The following HCN1 variants were observed in gnomAD, a reference collection of about 807,000 sequenced individuals.
HCN1 encodes hyperpolarization activated cyclic nucleotide gated potassium channel 1.
Under a neutral mutation model 78.9 loss-of-function variants are expected in HCN1, and 13 were observed. The ratio of observed to expected loss-of-function variants is 0.16; its 90% CI spans 0.11 to 0.26. The LOEUF (loss-of-function observed/expected upper bound fraction) is 0.26. HCN1 is among the 10% of genes least tolerant of loss of function. The pLI, the probability that HCN1 is intolerant of heterozygous loss-of-function variation, is 1.00. For synonymous variants in HCN1, 552 were observed against 455.5 expected (o/e 1.21, Z -2.70); for missense variants, 810 against 1,154.3 (o/e 0.70, Z 4.32).
chr5:45,605,237 A>C (rs1392482065), intron 2 of HCN1, among the ~76,000 whole-genome samples: 1 of 152,010 alleles, frequency 6.6e-6, no homozygotes, highest in Non-Finnish European at 1.5e-5. Flanking sequence ...CTACTATCTA[A>C]CAACTTAATA....
chr5:45,613,155 T>TCCCCCCA (rs1744874455), intron 2 of HCN1, among the ~76,000 whole-genome samples: 2 of 60,012 alleles, frequency 3.3e-5, no homozygotes, highest in Non-Finnish European at 6.1e-5. Context: ...CCCTCCCCCC[T>TCCCCCCA]CCCCCCACCC....
intron 6 of HCN1, among the ~76,000 whole-genome samples, chr5:45,302,718 A>C (rs912737512): frequency 2.6e-5 from 4 of 151,898 alleles, no homozygotes; most frequent in Non-Finnish European, 5.9e-5. Flanking sequence ...TACCTCCCAG[A>C]ATTCCCACAT....
At chr5:45,465,552 C>A (rs1358414580) in intron 2 of HCN1, among the ~76,000 whole-genome samples, 1 of 151,900 alleles carries the variant, frequency 6.6e-6, no homozygotes, top group Non-Finnish European at 1.5e-5. Context: ...GTCAGGAGTT[C>A]GAGACCAGCC....
intron 6 of HCN1, among the ~76,000 whole-genome samples, chr5:45,299,780 C>T (rs1214122773): frequency 2.6e-5 from 4 of 151,910 alleles, no homozygotes. Flanking sequence ...ACAGCGAATA[C>T]TTTTTGAAAA....
chr5:45,367,588 G>A (rs1236499672), intron 4 of HCN1, among the ~76,000 whole-genome samples: 2 of 151,812 alleles, frequency 1.3e-5, no homozygotes, highest in African/African-American at 4.8e-5. Context: ...AAAGAAAATT[G>A]ATCCAAACTT....
chr5:45,324,287 A>G (rs1386941459), intron 5 of HCN1, among the ~76,000 whole-genome samples: 1 of 151,996 alleles, frequency 6.6e-6, no homozygotes, highest in Non-Finnish European at 1.5e-5. Flanking sequence ...AGAATCTACA[A>G]TGAACTCAAA....
intron 6 of HCN1, among the ~76,000 whole-genome samples, chr5:45,282,108 A>C (rs1478417419): frequency 6.6e-6 from 1 of 152,192 alleles, no homozygotes; most frequent in Non-Finnish European, 1.5e-5. Context: ...TAAATTTTGC[A>C]ATATGTTTTC....
At chr5:45,395,302 T>A (rs1440167252) in intron 4 of HCN1, among the ~76,000 whole-genome samples, 1 of 152,144 alleles carries the variant, frequency 6.6e-6, no homozygotes, top group Non-Finnish European at 1.5e-5. Context: ...CCTTTAAGTA[T>A]ATAATTCTTA....
chr5:45,527,919 T>G (rs548778831), intron 2 of HCN1, among the ~76,000 whole-genome samples: 1 of 139,280 alleles, frequency 7.2e-6, no homozygotes, highest in African/African-American at 2.7e-5. Context: ...CTGTGTCTGA[T>G]TCTAAATTTA....
chr5:45,394,244 G>A (rs985803235), intron 4 of HCN1, among the ~76,000 whole-genome samples: 4 of 152,138 alleles, frequency 2.6e-5, no homozygotes, highest in African/African-American at 9.7e-5. Flanking sequence ...CTCCTCATTG[G>A]TTTGGAAGAG....
chr5:45,568,375 T>C (rs919098649), intron 2 of HCN1, among the ~76,000 whole-genome samples: 1 of 151,916 alleles, frequency 6.6e-6, no homozygotes, highest in African/African-American at 2.4e-5. Context: ...TCTGATCACA[T>C]CAATTTTTAG....
chr5:45,270,362 C>T (rs1218075901), intron 6 of HCN1, among the ~76,000 whole-genome samples: 2 of 152,106 alleles, frequency 1.3e-5, no homozygotes, highest in Non-Finnish European at 2.9e-5. Context: ...TTTGGTAAAT[C>T]GGAATAAGGT....
intron 2 of HCN1, among the ~76,000 whole-genome samples, chr5:45,477,353 T>C (rs1741542313): frequency 1.3e-5 from 2 of 152,168 alleles, no homozygotes. Context: ...ATCTAAAGTT[T>C]TTCTACAGAA....
chr5:45,654,753 C>G (rs539791159), intron 1 of HCN1, among the ~76,000 whole-genome samples: 1 of 152,262 alleles, frequency 6.6e-6, no homozygotes, highest in East Asian at 1.9e-4. Flanking sequence ...GATATACTTT[C>G]ATCTAACCAC....
intron 3 of HCN1, among the ~76,000 whole-genome samples, chr5:45,409,605 A>T (rs555151497): frequency 2.1e-4 from 32 of 152,098 alleles, no homozygotes; most frequent in African/African-American, 7.5e-4. Context: ...TGGTGCAAAC[A>T]TCTCTGATTT....
At chr5:45,439,880 T>C (rs1201901614) in intron 3 of HCN1, among the ~76,000 whole-genome samples, 1 of 150,998 alleles carries the variant, frequency 6.6e-6, no homozygotes, top group Non-Finnish European at 1.5e-5. Flanking sequence ...CACTAACATT[T>C]GATAAAATAT....
chr5:45,586,059 CA>C (rs913057464), intron 2 of HCN1, among the ~76,000 whole-genome samples: 11 of 152,162 alleles, frequency 7.2e-5, no homozygotes, highest in African/African-American at 2.7e-4. Context: ...AGCTGTCAGA[CA>C]GGGACATTTA....
chr5:45,373,575 G>A (rs1246020856), intron 4 of HCN1, among the ~76,000 whole-genome samples: 2 of 134,856 alleles, frequency 1.5e-5, no homozygotes, highest in South Asian at 4.6e-4. Context: ...CATTATATAC[G>A]TCATCTATAA....
chr5:45,460,577 C>T (rs1407263650), intron 3 of HCN1, among the ~76,000 whole-genome samples: 1 of 151,796 alleles, frequency 6.6e-6, no homozygotes, highest in Admixed American at 6.6e-5. Flanking sequence ...TATACATACA[C>T]ATAAGGTGGT....
Sources: allele counts gnomAD v4.1 joint callset (sites outside exome capture counted in the v4.1 genomes callset), GRCh38; gene constraint gnomAD v4.1.1; transcripts MANE v1.5; gene names NCBI Gene and HGNC (gene_info 2026-07-23, HGNC 2026-07-21).